The following EPCAM variants were observed in gnomAD, a reference collection of about 807,000 sequenced individuals.
EPCAM encodes adenocarcinoma-associated antigen.
A neutral mutation model predicts 40.0 loss-of-function variants in EPCAM; 39 were observed. That is an observed-to-expected ratio of 0.98 (90% CI 0.76 to 1.27). The LOEUF is 1.27. Among genes scored for constraint, EPCAM ranks in the 50% most tolerant of loss-of-function variants. The pLI is 0.00. For synonymous variants in EPCAM, 168 were observed against 132.3 expected, an observed-to-expected ratio of 1.27 and a Z score of -1.85; for missense variants, 503 against 381.2, an observed-to-expected ratio of 1.32 and a Z score of -2.66.
intron 7 of EPCAM, among the ~76,000 whole-genome samples, chr2:47,384,260 C>T (rs550963492): frequency 8.6e-5 from 13 of 151,834 alleles, no homozygotes; most frequent in East Asian, 1.9e-4. Flanking sequence ...CCTGCCACCA[C>T]GCCTGGCTAA....
intron 3 of EPCAM, among the ~76,000 whole-genome samples, chr2:47,374,320 A>G (rs187066333): frequency 6.6e-6 from 1 of 152,306 alleles, no homozygotes; most frequent in African/African-American, 2.4e-5. Context: ...CATACTAGGT[A>G]TAATTTTTCT....
At chr2:47,370,677 A>G (rs1042261998) in intron 1 of EPCAM, among the ~76,000 whole-genome samples, 1 of 152,010 alleles carries the variant, frequency 6.6e-6, no homozygotes, top group African/African-American at 2.4e-5. Context: ...GCCTCAGACC[A>G]TCCTTCTGCG....
At chr2:47,380,767 A>C (rs1430519446) in intron 7 of EPCAM, among the ~76,000 whole-genome samples, 1 of 152,186 alleles carries the variant, frequency 6.6e-6, no homozygotes, top group African/African-American at 2.4e-5. Context: ...TATTTTAGGA[A>C]TGTAAGGATG....
chr2:47,378,898 C>G (rs1671498633), intron 5 of EPCAM, 55 bp from the exon 6 acceptor site: 1 of 823,176 alleles, frequency 1.2e-6, no homozygotes, highest in South Asian at 1.4e-5. Context: ...ATGTTATTTT[C>G]AAATGATTTT....
intron 8 of EPCAM, among the ~76,000 whole-genome samples, 156 bp downstream of exon 8, chr2:47,385,366 C>T (rs1671716954): frequency 6.6e-6 from 1 of 152,092 alleles, no homozygotes; most frequent in Non-Finnish European, 1.5e-5. Flanking sequence ...GTACTCTTAC[C>T]TAAATATTCT....
chr2:47,376,978 CAT>C, intron 4 of EPCAM, 34 bp from the exon 5 acceptor site: 1 of 1,416,026 alleles, frequency 7.1e-7, no homozygotes, highest in South Asian at 1.1e-5. Flanking sequence ...GTGGTACAAA[CAT>C]TTTTTTTTAA....
chr2:47,375,798 C>T (rs781114245), intron 4 of EPCAM, among the ~76,000 whole-genome samples: 10 of 151,804 alleles, frequency 6.6e-5, no homozygotes, highest in Admixed American at 2.0e-4. Flanking sequence ...CTGCGCCTGC[C>T]GGTTTCAAGC....
chr2:47,382,163 G>A lies in EPCAM; in HGVS notation c.858+2194G>A, dbSNP rs562351123. Among the ~76,000 whole-genome samples the A allele has an allele frequency of 2.6e-5, 4 of 152,086 alleles. No individual in the cohort carries two copies. The East Asian group carries it at 7.7e-4, about 29-fold the overall frequency. On this transcript the variant is annotated intron_variant, in intron 7 of 8. Transcript: ENST00000263735. The stretch of plus-strand genomic sequence containing the variant: ...TAACGATGGGCATGAAAAAAATATG[G>A]CGCATAAAGCAAAAATGGATATTAT...
chr2:47,376,414 G>A (rs1366731201), intron 4 of EPCAM, among the ~76,000 whole-genome samples: 1 of 151,864 alleles, frequency 6.6e-6, no homozygotes, highest in Non-Finnish European at 1.5e-5. Context: ...GCGCCACCAT[G>A]CCTGGCTAAT....
At chr2:47,385,080 A>G in intron 7 of EPCAM, 86 bp from the exon 8 acceptor site, 1 of 998,358 alleles carries the variant, frequency 1.0e-6, no homozygotes, top group Non-Finnish European at 1.6e-6. Context: ...GATCAAAATT[A>G]TGTCCATTAA....
At chr2:47,375,104 T>C in intron 3 of EPCAM, 130 bp from the exon 4 acceptor site, 3 of 671,150 alleles carry the variant, frequency 4.5e-6, no homozygotes, top group East Asian at 2.8e-5. Flanking sequence ...GAAGAAATTA[T>C]AGGAATAGCT....
intron 1 of EPCAM, among the ~76,000 whole-genome samples, chr2:47,373,012 C>A (rs1671317013): frequency 6.6e-6 from 1 of 151,546 alleles, no homozygotes; most frequent in Non-Finnish European, 1.5e-5. Flanking sequence ...TCAAAACCAG[C>A]CTGGGCAACA....
intron 4 of EPCAM, 105 bp downstream of exon 4, chr2:47,375,404 A>G (rs1366591446): frequency 1.8e-5 from 14 of 762,640 alleles, no homozygotes; most frequent in Non-Finnish European, 3.0e-5. Context: ...ATATTTCTGA[A>G]AAATAAAGTT....
At chr2:47,369,615 G>A (rs2103738415) in intron 1 of EPCAM, 34 bp downstream of exon 1, 1 of 1,563,508 alleles carries the variant, frequency 6.4e-7, no homozygotes, top group Non-Finnish European at 8.7e-7. Flanking sequence ...TTGTGGAGCT[G>A]GGCTGGGCTG....
At chr2:47,372,028 C>G (rs879768324) in intron 1 of EPCAM, among the ~76,000 whole-genome samples, 1 of 152,024 alleles carries the variant, frequency 6.6e-6, no homozygotes, top group East Asian at 1.9e-4. Flanking sequence ...CTTGCCTATT[C>G]GAAGTTAAAT....
rs141435674 is a variant in EPCAM at position 47,381,799 on chromosome 2, C to G, written c.858+1830C>G. On this transcript the variant is annotated intron_variant, in intron 7 of 8. Transcript: ENST00000263735. ...ATGTATATTTTGAGAGAGGGTCTTGCTGTGTCACCCAGGCTGGAGTGCAGT... is the reference window on the plus strand; with the variant it reads ...ATGTATATTTTGAGAGAGGGTCTTGGTGTGTCACCCAGGCTGGAGTGCAGT... Among the ~76,000 whole-genome samples, 122 of 152,232 alleles carry G rather than the reference C, an allele frequency of 8.0e-4. 1 individual carries two copies. The highest frequency in any genetic ancestry group is 7.3e-3 in the East Asian group (38 of 5,186).
chr2:47,377,852 A>G, intron 5 of EPCAM: 1 of 427,638 alleles, frequency 2.3e-6, no homozygotes, highest in Non-Finnish European at 4.7e-6. Flanking sequence ...AATAAAAAGA[A>G]GCTTGAATAG....
chr2:47,380,558 C>T (rs1024230169), intron 7 of EPCAM, among the ~76,000 whole-genome samples: 1 of 152,142 alleles, frequency 6.6e-6, no homozygotes, highest in African/African-American at 2.4e-5. Flanking sequence ...GTTGTCACTG[C>T]AAACAATTCA....
Position 47,373,476 on chromosome 2 carries a change from A to C in EPCAM, c.90A>C (p.Glu30Asp), listed in dbSNP as rs1671335679. The change falls in exon 2 of 9, where the codon GAA becomes GAC. Residue 30 changes from glutamate to aspartate, a missense_variant. By Grantham distance (45) the Glu-to-Asp change is conservative. Transcript: ENST00000263735. ...FAAAQEECVC[E>D]NYKLAVNCFV... ...TTAATTTTCTAGAATGTGTCTGTGAAAACTACAAGCTGGCCGTAAACTGCT... is the reference window on the plus strand; with the variant it reads ...TTAATTTTCTAGAATGTGTCTGTGACAACTACAAGCTGGCCGTAAACTGCT... 1.2e-5 allele frequency: 19 copies of C among 1,611,872 alleles called. No individual in the cohort carries two copies. Among genetic ancestry groups the C allele is most frequent in the Non-Finnish European group, 1.6e-5 (19 of 1,178,336 alleles).
Sources: allele counts gnomAD v4.1 joint callset (sites outside exome capture counted in the v4.1 genomes callset), GRCh38; gene constraint gnomAD v4.1.1; transcripts MANE v1.5; gene names NCBI Gene and HGNC (gene_info 2026-07-23, HGNC 2026-07-21).